Variants in GRM4 observed in about 807,000 individuals in gnomAD.
GRM4 encodes the protein glutamate metabotropic receptor 4, also known as metabotropic glutamate receptor 4.
GRM4 carries 28 observed loss-of-function variants against 81.7 expected under a neutral mutation model. The observed-to-expected ratio is 0.34, with a 90% CI of 0.25 to 0.47. The LOEUF is 0.47. Ranked by LOEUF, GRM4 falls within the 20% of genes least tolerant of loss-of-function variation. The probability of loss-of-function intolerance (pLI) is 1.00; values close to 1 mark genes in which losing one functional copy is unlikely to be tolerated. For missense variants in GRM4, 948 were observed against 1,290.0 expected, an observed-to-expected ratio of 0.73 and a Z score of 4.06; for synonymous variants, 488 against 528.8, an observed-to-expected ratio of 0.92 and a Z score of 1.06.
chr6:34,075,672 T>C (rs1160327582), intron 3 of GRM4, among the ~76,000 whole-genome samples: 2 of 152,272 alleles, frequency 1.3e-5, no homozygotes, highest in East Asian at 3.8e-4. Context: ...TTAATCTCTC[T>C]GAGCCTTATC....
intron 3 of GRM4, among the ~76,000 whole-genome samples, chr6:34,072,494 C>A (rs959184292): frequency 7.5e-6 from 1 of 133,214 alleles, no homozygotes; most frequent in African/African-American, 2.8e-5. Context: ...ACACATCACA[C>A]AGATACAAAC....
At chr6:34,083,880 G>C (rs1767742744) in intron 3 of GRM4, among the ~76,000 whole-genome samples, 1 of 152,180 alleles carries the variant, frequency 6.6e-6, no homozygotes, top group East Asian at 1.9e-4. Context: ...GATGAGGTGG[G>C]AGGGTTGCAT....
intron 9 of GRM4, among the ~76,000 whole-genome samples, chr6:34,033,448 C>A (rs1381315636): frequency 6.6e-6 from 1 of 152,118 alleles, no homozygotes; most frequent in African/African-American, 2.4e-5. Context: ...GGGGACAAGT[C>A]CAGCTGTGCC....
At position 34,133,442 on chromosome 6, in the gene GRM4, G is replaced by A. The variant is rs1182493181; in HGVS notation, c.55C>T (p.Leu19Phe). ...WWWARLPLCLLLSLYGPWMPS... is the reference protein window; with the variant it reads ...WWWARLPLCLFLSLYGPWMPS... ...ATCCAGGGGCCGTAAAGGCTGAGGAGCAGGCAAAGGGGCAGCCGGGCCCAC... is the reference window on the plus strand; with the variant it reads ...ATCCAGGGGCCGTAAAGGCTGAGGAACAGGCAAAGGGGCAGCCGGGCCCAC... Residue 19 changes from leucine (L) to phenylalanine (F), a missense_variant, in exon 2 of 11, where the codon CTC becomes TTC. Coordinates refer to ENST00000538487, the MANE Select transcript of GRM4 (RefSeq NM_000841.4). The surrounding 1 kb of genome is among the most constrained non-coding windows in gnomAD (Gnocchi z 6.5). 1.2e-6 allele frequency: 2 copies of A among 1,608,416 alleles called. No homozygotes were observed. The highest frequency in any genetic ancestry group is 3.4e-5 in the Admixed American group (2 of 59,626).
rs768797295 is a variant in GRM4 at position 34,059,162 on chromosome 6, G to A, written c.873-34C>T. 1 of 1,607,034 alleles carries A rather than the reference G, an allele frequency of 6.2e-7. No homozygotes were observed. Among genetic ancestry groups the A allele is most frequent in the Non-Finnish European group, 8.5e-7 (1 of 1,176,556 alleles). On this transcript the variant is annotated intron_variant, in intron 4 of 10. Transcript: ENST00000538487. The surrounding 1 kb of genome is among the most constrained non-coding windows in gnomAD (Gnocchi z 5.7). ...ACATACACCAGCCCAGCCCAGCCGC[G>A]TCTGTCCACGAAACTGCCCCCACTC...
intron 3 of GRM4, among the ~76,000 whole-genome samples, chr6:34,088,667 C>G (rs1768040595): frequency 1.3e-5 from 2 of 152,202 alleles, no homozygotes; most frequent in Admixed American, 1.3e-4. Flanking sequence ...GCTCTGACAC[C>G]TGGCTGTGTG....
chr6:34,069,581 G>A lies in GRM4; in HGVS notation c.737-7553C>T, dbSNP rs914562674. On this transcript the variant is annotated intron_variant, in intron 3 of 10. Coordinates refer to ENST00000538487, the MANE Select transcript of GRM4 (RefSeq NM_000841.4). The surrounding 1 kb of genome is among the most constrained non-coding windows in gnomAD (Gnocchi z 6.4). ...CCCATCTGCTCCTGCGTGTGACCCCGCTCCCCAGCTCATCAGTCTCCAGCC... is the reference window on the plus strand; with the variant it reads ...CCCATCTGCTCCTGCGTGTGACCCCACTCCCCAGCTCATCAGTCTCCAGCC... 4.0e-5 allele frequency among the ~76,000 whole-genome samples: 6 copies of A among 150,034 alleles called. No homozygotes were observed. Among genetic ancestry groups the A allele is most frequent in the Admixed American group, 1.3e-4 (2 of 15,094 alleles).
chr6:34,140,463 T>C (rs1581738016), intron 1 of GRM4, among the ~76,000 whole-genome samples: 1 of 152,060 alleles, frequency 6.6e-6, no homozygotes, highest in Non-Finnish European at 1.5e-5. Context: ...CAGAGAAACC[T>C]GAGACTTAGA....
intron 2 of GRM4, among the ~76,000 whole-genome samples, chr6:34,108,221 A>T (rs776252107): frequency 2.6e-5 from 4 of 152,326 alleles, no homozygotes; most frequent in Middle Eastern, 3.4e-3. Flanking sequence ...CATGACCTCA[A>T]ACCAGACAGT....
chr6:34,146,127 G>A (rs530977254), upstream of GRM4: 15 of 985,512 alleles, frequency 1.5e-5, no homozygotes, highest in Admixed American at 8.6e-4. Context: ...CTCCCACCCT[G>A]GTGCGTCACT....
intron 1 of GRM4, among the ~76,000 whole-genome samples, chr6:34,143,535 T>C (rs1770792279): frequency 6.6e-6 from 1 of 152,164 alleles, no homozygotes. Flanking sequence ...CCGAAAGGGC[T>C]CCTGCTAGTC....
At chr6:34,098,537 C>T (rs80132200) in intron 2 of GRM4, among the ~76,000 whole-genome samples, 33 of 152,224 alleles carry the variant, frequency 2.2e-4, no homozygotes, top group African/African-American at 8.0e-4. Context: ...TTAAGATCCC[C>T]ACCTGCCTGG....
At position 34,059,674 on chromosome 6, in the gene GRM4, A is replaced by C. The variant is rs560295320; in HGVS notation, c.873-546T>G. Reference sequence around the variant, plus strand: ...GGTCCTTCAGAGAGCTGCTCCCCACACCCTGAGTGGGAGTGGGTGATGGAG... The same window carrying C: ...GGTCCTTCAGAGAGCTGCTCCCCACCCCCTGAGTGGGAGTGGGTGATGGAG... On this transcript the variant is annotated intron_variant, in intron 4 of 10. Coordinates refer to ENST00000538487, the MANE Select transcript of GRM4 (RefSeq NM_000841.4). The surrounding 1 kb of genome is among the most constrained non-coding windows in gnomAD (Gnocchi z 5.7). 7.7e-4 allele frequency: 122 copies of C among 159,376 alleles called. No individual in the cohort carries two copies. The highest frequency in any genetic ancestry group is 1.5e-3 in the Non-Finnish European group (111 of 72,552). The allele number at this position is 159,376 out of a possible 1,614,324, so 9.9% of individuals were successfully genotyped here. A position where few individuals can be genotyped will look rare whatever the true frequency, so the allele number is the denominator to read the frequency against.
At chr6:34,030,178 TAG>T (rs2127438086) in intron 9 of GRM4, among the ~76,000 whole-genome samples, 2 of 152,316 alleles carry the variant, frequency 1.3e-5, no homozygotes, top group South Asian at 4.1e-4. Flanking sequence ...GGGAATATCG[TAG>T]AGTCTCGGGC....
chr6:34,133,664 C>A lies in GRM4; in HGVS notation c.-168G>T. 1 of 1,416,534 alleles carries A rather than the reference C, an allele frequency of 7.1e-7. No individual in the cohort carries two copies. Among genetic ancestry groups the A allele is most frequent in the Non-Finnish European group, 9.2e-7 (1 of 1,091,138 alleles). The allele number at this position is 1,416,534 out of a possible 1,614,324, so 87.7% of individuals were successfully genotyped here. A position where few individuals can be genotyped will look rare whatever the true frequency, so the allele number is the denominator to read the frequency against. On this transcript the variant is annotated 5_prime_UTR_variant, in exon 2 of 11. Transcript: ENST00000538487. This position sits in a 1 kb window ranked among gnomAD's most constrained non-coding sequence, Gnocchi z 6.5. ...TACCCTCTCCCACCTCCTTGTCACTCGGGCCAAGCACAGTTGCCCGCACAG... is the reference window on the plus strand; with the variant it reads ...TACCCTCTCCCACCTCCTTGTCACTAGGGCCAAGCACAGTTGCCCGCACAG...
chr6:34,112,915 C>G (rs558197106), intron 2 of GRM4, among the ~76,000 whole-genome samples: 10 of 152,320 alleles, frequency 6.6e-5, no homozygotes, highest in Non-Finnish European at 8.8e-5. Flanking sequence ...GCTTTGAATC[C>G]ACTTATGTTT....
chr6:34,042,696 G>T lies in GRM4; in HGVS notation c.1169-1948C>A, dbSNP rs1348088830. ...CTGTGTCCTGCCCCCATAGGCCAGG[G>T]TTAAGCTGGGTCCACATGAGGCAGT... On this transcript the variant is annotated intron_variant, in intron 6 of 10. Transcript: ENST00000538487. This position sits in a 1 kb window ranked among gnomAD's most constrained non-coding sequence, Gnocchi z 4.2. 1.3e-5 allele frequency among the ~76,000 whole-genome samples: 2 copies of T among 152,194 alleles called. No homozygotes were observed. The highest frequency in any genetic ancestry group is 4.8e-5 in the African/African-American group (2 of 41,434).
At chr6:34,041,363 T>G (rs575560666) in intron 6 of GRM4, among the ~76,000 whole-genome samples, 56 of 152,298 alleles carry the variant, frequency 3.7e-4, no homozygotes, top group African/African-American at 1.2e-3. Flanking sequence ...CCATCCCTCT[T>G]CTACCTCAGG....
At chr6:34,039,129 CA>C (rs375886897) in intron 8 of GRM4, among the ~76,000 whole-genome samples, 51 of 152,300 alleles carry the variant, frequency 3.3e-4, no homozygotes, top group African/African-American at 1.1e-3. Flanking sequence ...CACAGCAATC[CA>C]AGGAGCCTCA....
Sources: gnomAD v4.1 joint callset for allele counts (sites outside exome capture counted in the v4.1 genomes callset) on GRCh38, gnomAD v4.1.1 for gene constraint, Gnocchi (gnomAD v3.1) non-coding constraint, MANE v1.5 for transcripts, NCBI Gene and HGNC (gene_info 2026-07-23, HGNC 2026-07-21) for gene names.